The following RHAG variants were observed in gnomAD, a reference collection of about 807,000 sequenced individuals.
RHAG encodes the protein Rh associated glycoprotein, also known as ammonium transporter Rh type A.
Under a neutral mutation model 42.4 loss-of-function variants are expected in RHAG, and 25 were observed. That is an observed-to-expected ratio of 0.59 (90% CI 0.43 to 0.82). The LOEUF (loss-of-function observed/expected upper bound fraction) is 0.82. RHAG is among the 40% of genes least tolerant of loss of function. The probability of loss-of-function intolerance (pLI) is 0.00; values close to 1 mark genes in which losing one functional copy is unlikely to be tolerated. For missense variants in RHAG, 483 were observed against 504.6 expected, an observed-to-expected ratio of 0.96 and a Z score of 0.41; for synonymous variants, 182 against 177.7, an observed-to-expected ratio of 1.02 and a Z score of -0.19.
chr6:49,624,129 GTTC>G (rs1762805622), intron 1 of RHAG, among the ~76,000 whole-genome samples: 1 of 152,176 alleles, frequency 6.6e-6, no homozygotes, highest in African/African-American at 2.4e-5. Context: ...ATCCTACACT[GTTC>G]TTAGCGTTCC....
intron 8 of RHAG, 99 bp downstream of exon 8, chr6:49,607,051 G>T: frequency 7.9e-7 from 1 of 1,264,658 alleles, no homozygotes; most frequent in Non-Finnish European, 1.1e-6. Context: ...CAGAAGTTTA[G>T]AACATTTTTG....
Position 49,636,819 on chromosome 6 carries a change from G to T in RHAG, c.-7C>A. The T allele has an allele frequency of 4.3e-6, 7 of 1,613,476 alleles. No individual in the cohort carries two copies. Among genetic ancestry groups the T allele is most frequent in the Non-Finnish European group, 5.9e-6 (7 of 1,179,608 alleles). ...GAGGGAATGTGAACCTCATGTTTGT[G>T]GCAAAGGACAGAGGCACACTGAGAG... On this transcript the variant is annotated 5_prime_UTR_variant, in exon 1 of 10. Transcript: ENST00000371175.
intron 6 of RHAG, among the ~76,000 whole-genome samples, chr6:49,611,835 G>A (rs1264570983): frequency 6.6e-6 from 1 of 151,174 alleles, no homozygotes; most frequent in Admixed American, 6.6e-5. Flanking sequence ...TCCACCTCCC[G>A]GGTTCAAGTG....
intron 8 of RHAG, 60 bp downstream of exon 8, chr6:49,607,090 A>T: frequency 1.4e-6 from 2 of 1,434,514 alleles, no homozygotes; most frequent in South Asian, 1.2e-5. Context: ...CTCATTAATT[A>T]TCTATTGTAA....
At chr6:49,622,657 A>G (rs1288315980) in intron 1 of RHAG, among the ~76,000 whole-genome samples, 2 of 152,078 alleles carry the variant, frequency 1.3e-5, no homozygotes, top group African/African-American at 2.4e-5. Context: ...TAAGTCAAAT[A>G]AACTTCTTTC....
chr6:49,632,701 T>A lies in RHAG; in HGVS notation c.157+3955A>T, dbSNP rs142371255. On this transcript the variant is annotated intron_variant, in intron 1 of 9. Coordinates refer to ENST00000371175, the MANE Select transcript of RHAG (RefSeq NM_000324.3). The stretch of plus-strand genomic sequence containing the variant: ...CTAACGGATTTTTAATGCCACAGAG[T>A]ATAAAAAAATCATTAATATGATTTT... Among the ~76,000 whole-genome samples the A allele has an allele frequency of 5.3e-5, 8 of 152,166 alleles. No individual in the cohort carries two copies. In the East Asian group the frequency reaches 1.5e-3, roughly 29 times the overall value.
chr6:49,611,165 A>G lies in RHAG; in HGVS notation c.946-20T>C. 6.3e-7 allele frequency: 1 copy of G among 1,599,790 alleles called. No homozygotes were observed. Among genetic ancestry groups the G allele is most frequent in the Non-Finnish European group, 8.6e-7 (1 of 1,168,076 alleles). ...AAGTGGCTAAAATTATAAAAGGAAGAAGGTTTATTATTTAGTTAAACATAT... is the reference window on the plus strand; with the variant it reads ...AAGTGGCTAAAATTATAAAAGGAAGGAGGTTTATTATTTAGTTAAACATAT... On this transcript the variant is annotated intron_variant, in intron 6 of 9. Coordinates refer to ENST00000371175, the MANE Select transcript of RHAG (RefSeq NM_000324.3).
intron 1 of RHAG, among the ~76,000 whole-genome samples, chr6:49,623,549 G>A (rs1762797220): frequency 6.6e-6 from 1 of 152,164 alleles, no homozygotes; most frequent in African/African-American, 2.4e-5. Context: ...GGATTGTCAA[G>A]TCTTGTCTAA....
intron 1 of RHAG, among the ~76,000 whole-genome samples, 163 bp from the exon 2 acceptor site, chr6:49,619,525 C>G (rs1284086494): frequency 6.6e-6 from 1 of 152,204 alleles, no homozygotes; most frequent in African/African-American, 2.4e-5. Flanking sequence ...GCCAGCTTGA[C>G]TACTTACTAA....
At chr6:49,629,028 G>C (rs1348664552) in intron 1 of RHAG, among the ~76,000 whole-genome samples, 1 of 152,174 alleles carries the variant, frequency 6.6e-6, no homozygotes. Flanking sequence ...CGTTTTGACA[G>C]GGTGCTGATT....
chr6:49,630,264 A>C (rs1202675438), intron 1 of RHAG, among the ~76,000 whole-genome samples: 4 of 152,158 alleles, frequency 2.6e-5, no homozygotes, highest in Admixed American at 2.6e-4. Context: ...CTCATTTGTC[A>C]GTTATTCAAA....
chr6:49,636,369 C>T (rs949863164), intron 1 of RHAG, among the ~76,000 whole-genome samples: 2 of 152,062 alleles, frequency 1.3e-5, no homozygotes, highest in African/African-American at 4.8e-5. Flanking sequence ...TAGTGACCAA[C>T]TGAAGGAAAA....
intron 1 of RHAG, among the ~76,000 whole-genome samples, chr6:49,624,577 T>C (rs939724936): frequency 2.6e-5 from 4 of 152,234 alleles, no homozygotes; most frequent in African/African-American, 9.6e-5. Flanking sequence ...GTAGTTTATA[T>C]TCCATTCTAA....
chr6:49,608,491 ACT>A (rs1762513572), intron 7 of RHAG, among the ~76,000 whole-genome samples: 1 of 152,002 alleles, frequency 6.6e-6, no homozygotes, highest in Non-Finnish European at 1.5e-5. Context: ...AATTCTCCTG[ACT>A]CAGCCTCGCA....
chr6:49,630,559 AG>A (rs1470355257), intron 1 of RHAG, among the ~76,000 whole-genome samples: 4 of 152,200 alleles, frequency 2.6e-5, no homozygotes, highest in Non-Finnish European at 5.9e-5. Context: ...TTGAGAGAAT[AG>A]TATCCTTAGG....
At chr6:49,629,605 G>A (rs911623389) in intron 1 of RHAG, among the ~76,000 whole-genome samples, 6 of 151,986 alleles carry the variant, frequency 3.9e-5, no homozygotes, top group South Asian at 2.1e-4. Flanking sequence ...AGGGGGTGGC[G>A]TTCATCGGGG....
At chr6:49,611,291 T>G in intron 6 of RHAG, 146 bp from the exon 7 acceptor site, 1 of 646,004 alleles carries the variant, frequency 1.5e-6, no homozygotes, top group Non-Finnish European at 2.6e-6. Context: ...GTATACAACA[T>G]GATGTTATGA....
intron 7 of RHAG, 133 bp downstream of exon 7, chr6:49,610,891 C>A (rs562645645): frequency 4.1e-6 from 4 of 971,200 alleles, no homozygotes; most frequent in East Asian, 2.5e-5. Context: ...TTCTCTCAGG[C>A]GCGTCTCTTT....
At chr6:49,616,471 A>C (rs1242129900) in intron 3 of RHAG, among the ~76,000 whole-genome samples, 2 of 152,086 alleles carry the variant, frequency 1.3e-5, no homozygotes, top group Non-Finnish European at 2.9e-5. Flanking sequence ...ACTTCAAAAA[A>C]CCAGAGTTTT....
Sources: gnomAD v4.1 joint callset for allele counts (sites outside exome capture counted in the v4.1 genomes callset) on GRCh38, gnomAD v4.1.1 for gene constraint, MANE v1.5 for transcripts, NCBI Gene and HGNC (gene_info 2026-07-23, HGNC 2026-07-21) for gene names.